The following NCOR1 variants were observed in gnomAD, a reference collection of about 807,000 sequenced individuals.
The protein encoded by NCOR1 is protein phosphatase 1, regulatory subunit 109.
NCOR1 carries 63 observed loss-of-function variants against 288.1 expected under a neutral mutation model. The observed-to-expected ratio is 0.22, with a 90% confidence interval of 0.18 to 0.27. NCOR1 has a LOEUF of 0.27. NCOR1 is among the 10% of genes least tolerant of loss of function. The pLI is 1.00. For missense variants in NCOR1, 2,397 were observed against 3,019.2 expected (o/e 0.79, Z 4.83); for synonymous variants, 1,007 against 1,065.9 (o/e 0.94, Z 1.08).
chr17:16,077,260 G>A (rs1049443514), intron 26 of NCOR1, among the ~76,000 whole-genome samples: 4 of 132,644 alleles, frequency 3.0e-5, no homozygotes, highest in African/African-American at 7.5e-5. Context: ...AGCCAGGCAC[G>A]GCTGCGCACA....
chr17:16,083,799 T>C (rs2063778371), intron 23 of NCOR1, among the ~76,000 whole-genome samples: 1 of 152,176 alleles, frequency 6.6e-6, no homozygotes, highest in South Asian at 2.1e-4. Context: ...TTGTGCTACT[T>C]TCCCCTTACT....
intron 37 of NCOR1, 52 bp from the exon 38 acceptor site, chr17:16,058,651 A>C: frequency 6.5e-7 from 1 of 1,539,192 alleles, no homozygotes; most frequent in Non-Finnish European, 8.9e-7. Context: ...AAAGTTTCTG[A>C]AGTCTAAGTT....
intron 3 of NCOR1, among the ~76,000 whole-genome samples, chr17:16,175,965 C>T (rs2084084252): frequency 6.6e-6 from 1 of 152,012 alleles, no homozygotes. Flanking sequence ...ACCTGTAATC[C>T]CAGCACTTTG....
chr17:16,201,597 C>CA (rs1317973981), intron 1 of NCOR1, among the ~76,000 whole-genome samples: 4 of 151,948 alleles, frequency 2.6e-5, no homozygotes, highest in Non-Finnish European at 5.9e-5. Context: ...GACTCTATCT[C>CA]AAAAAATAAT....
In NCOR1 at chr17:16,070,476, T is replaced by A. The variant is rs1381184599; in HGVS notation, c.4202A>T (p.His1401Leu). ...CCCCGTGATTAAGGATTTGACATTG[T>A]GTTTGATGGCAGATTGACCTGAGTT... ...DNNSGQSAIK[H>L]NVKSLITGPS... Residue 1401 changes from histidine to leucine, a missense_variant, in exon 31 of 46, where the codon CAC (histidine) becomes CTC (leucine). Coordinates refer to ENST00000268712, the MANE Select transcript of NCOR1 (RefSeq NM_006311.4). 1 of 1,614,232 alleles carries A rather than the reference T, an allele frequency of 6.2e-7. No homozygotes were observed.
intron 21 of NCOR1, among the ~76,000 whole-genome samples, chr17:16,092,650 TATATATATATATA>T (rs2065386448): frequency 7.6e-5 from 1 of 13,188 alleles, no homozygotes; most frequent in African/African-American, 2.4e-4. Context: ...GATCCATTTA[TATATATATATATA>T]TATATATATA....
intron 44 of NCOR1, among the ~76,000 whole-genome samples, chr17:16,038,559 C>A (rs2056906111): frequency 6.6e-6 from 1 of 151,994 alleles, no homozygotes; most frequent in Non-Finnish European, 1.5e-5. Flanking sequence ...ACCTCGGCCC[C>A]CACAAGTAAC....
chr17:16,038,479 TG>T (rs2056888511), intron 44 of NCOR1, among the ~76,000 whole-genome samples: 2 of 152,080 alleles, frequency 1.3e-5, no homozygotes, highest in South Asian at 4.2e-4. Flanking sequence ...CTTTGTCACC[TG>T]GGCTGGAGTG....
chr17:16,046,797 TG>T, intron 42 of NCOR1, 153 bp downstream of exon 42: 1 of 821,842 alleles, frequency 1.2e-6, no homozygotes, highest in Non-Finnish European at 1.8e-6. Context: ...CTTCATGGGC[TG>T]GCAGACACTT....
At position 16,031,582 on chromosome 17, in the gene NCOR1, AT is replaced by A; in HGVS notation, c.*713del. ...AACTAGAACATACCCATGCAGTAAT[AT>A]TTTTTCAGTGCTACTAATGAAAAAA... On this transcript the variant is annotated 3_prime_UTR_variant, in exon 46 of 46. Transcript: ENST00000268712. The A allele has an allele frequency of 4.5e-6, 1 of 221,766 alleles. No individual in the cohort carries two copies. The allele number at this position is 221,766 out of a possible 1,614,324, so 13.7% of individuals were successfully genotyped here.
chr17:16,199,109 G>A (rs1161387267), intron 1 of NCOR1, among the ~76,000 whole-genome samples: 2 of 146,208 alleles, frequency 1.4e-5, no homozygotes, highest in Non-Finnish European at 3.0e-5. Context: ...TTCCTTGTCC[G>A]TTTTGTGGTA....
chr17:16,131,090 C>T (rs1474479330), intron 14 of NCOR1, among the ~76,000 whole-genome samples: 2 of 151,754 alleles, frequency 1.3e-5, no homozygotes, highest in African/African-American at 4.8e-5. Context: ...CAGGCTCAAG[C>T]GATGCTCCCA....
Position 16,171,794 on chromosome 17 carries a change from A to G in NCOR1, c.435+9T>C. On this transcript the variant is annotated intron_variant, in intron 4 of 45. Transcript: ENST00000268712. ...TACAACTCTACAGGGTAAGAGAACA[A>G]ATATTTACCTTCTTAGCATCTGCAG... 1 of 1,560,658 alleles carries G rather than the reference A, an allele frequency of 6.4e-7. No homozygotes were observed. Among genetic ancestry groups the G allele is most frequent in the Non-Finnish European group, 8.6e-7 (1 of 1,157,432 alleles).
chr17:16,123,581 A>G (rs1435763234), intron 15 of NCOR1, among the ~76,000 whole-genome samples: 1 of 152,206 alleles, frequency 6.6e-6, no homozygotes, highest in Non-Finnish European at 1.5e-5. Context: ...TTTGGCTTTC[A>G]TTAAAGCTCT....
chr17:16,182,788 A>G (rs769163531), intron 3 of NCOR1, among the ~76,000 whole-genome samples: 4 of 152,188 alleles, frequency 2.6e-5, no homozygotes, highest in Non-Finnish European at 5.9e-5. Context: ...GAAATATATG[A>G]AAGTGATCAG....
intron 5 of NCOR1, among the ~76,000 whole-genome samples, chr17:16,162,663 A>G (rs1053256694): frequency 6.6e-6 from 1 of 152,146 alleles, no homozygotes; most frequent in African/African-American, 2.4e-5. Flanking sequence ...ATTAATAAAT[A>G]TATCTTTTAA....
intron 10 of NCOR1, among the ~76,000 whole-genome samples, chr17:16,144,333 T>C (rs764487836): frequency 1.1e-4 from 16 of 152,236 alleles, no homozygotes; most frequent in Non-Finnish European, 2.2e-4. Flanking sequence ...ACTTCAGAAT[T>C]AATTTCAAAA....
At chr17:16,141,013 G>GAAAAAAAAAAAAAAAAAAAA (rs75591454) in intron 11 of NCOR1, among the ~76,000 whole-genome samples, 12 of 142,338 alleles carry the variant, frequency 8.4e-5, no homozygotes, top group African/African-American at 2.5e-4. Flanking sequence ...AAAAAAAAAG[G>GAAAAAAAAAAAAAAAAAAAA]AAAATTCACT....
intron 31 of NCOR1, among the ~76,000 whole-genome samples, chr17:16,069,438 C>A (rs956486664): frequency 2.0e-5 from 3 of 152,134 alleles, no homozygotes; most frequent in Non-Finnish European, 4.4e-5. Flanking sequence ...CCATGTGAGC[C>A]ATCAATAAAT....
Sources: allele counts gnomAD v4.1 joint callset (sites outside exome capture counted in the v4.1 genomes callset), GRCh38; gene constraint gnomAD v4.1.1; transcripts MANE v1.5; gene names NCBI Gene and HGNC (gene_info 2026-07-23, HGNC 2026-07-21).